The following TNIK variants were observed in gnomAD, a reference collection of about 807,000 sequenced individuals.
TNIK encodes the protein TRAF2 and NCK interacting kinase.
TNIK carries 49 observed loss-of-function variants against 191.3 expected under a neutral mutation model. That is an observed-to-expected ratio of 0.26 (90% CI 0.20 to 0.32). The LOEUF (loss-of-function observed/expected upper bound fraction) is 0.32. TNIK is among the 10% of genes least tolerant of loss of function. The pLI is 1.00. For missense variants in TNIK, 1,155 were observed against 1,702.3 expected (o/e 0.68, Z 5.66); for synonymous variants, 594 against 600.9 (o/e 0.99, Z 0.17).
chr3:171,438,443 T>C (rs1726310869), intron 1 of TNIK, among the ~76,000 whole-genome samples: 1 of 152,250 alleles, frequency 6.6e-6, no homozygotes, highest in Non-Finnish European at 1.5e-5. Flanking sequence ...ATAGTGGGGA[T>C]GCAGGATCCA....
At chr3:171,318,966 A>C (rs1397740023) in intron 2 of TNIK, among the ~76,000 whole-genome samples, 1 of 152,062 alleles carries the variant, frequency 6.6e-6, no homozygotes, top group Non-Finnish European at 1.5e-5. Context: ...GGAGTTCAAA[A>C]CCAGCCTGGT....
intron 2 of TNIK, among the ~76,000 whole-genome samples, chr3:171,278,472 ATTT>A (rs1238312681): frequency 6.6e-6 from 1 of 152,170 alleles, no homozygotes; most frequent in Non-Finnish European, 1.5e-5. Flanking sequence ...ATAGATACTT[ATTT>A]TTTTAAAAAA....
intron 2 of TNIK, chr3:171,347,329 T>C: frequency 2.6e-6 from 3 of 1,174,756 alleles, no homozygotes; most frequent in Non-Finnish European, 3.6e-6. Flanking sequence ...AAGTAGCATC[T>C]AGATGCCTGG....
intron 2 of TNIK, among the ~76,000 whole-genome samples, chr3:171,308,881 A>ATT (rs1753735165): frequency 6.6e-6 from 1 of 151,518 alleles, no homozygotes; most frequent in African/African-American, 2.4e-5. Context: ...AATGGTTATT[A>ATT]AAAAGTCAAA....
At chr3:171,164,318 C>G (rs1367288338) in intron 10 of TNIK, among the ~76,000 whole-genome samples, 1 of 152,156 alleles carries the variant, frequency 6.6e-6, no homozygotes, top group Non-Finnish European at 1.5e-5. Context: ...CTTATTTATG[C>G]CCCAGAGGGA....
chr3:171,111,811 C>G (rs1725894075), intron 18 of TNIK, among the ~76,000 whole-genome samples: 1 of 152,170 alleles, frequency 6.6e-6, no homozygotes, highest in Non-Finnish European at 1.5e-5. Context: ...TGATATATCT[C>G]TCTCTCAAAA....
intron 10 of TNIK, 151 bp downstream of exon 10, chr3:171,166,944 G>T: frequency 1.1e-6 from 1 of 925,094 alleles, no homozygotes; most frequent in Non-Finnish European, 1.5e-6. Flanking sequence ...CGCCACTGAT[G>T]CCCAGAGGCT....
chr3:171,405,740 A>G (rs1290227776), intron 1 of TNIK, among the ~76,000 whole-genome samples: 1 of 152,212 alleles, frequency 6.6e-6, no homozygotes, highest in Non-Finnish European at 1.5e-5. Context: ...ATTTTCAACC[A>G]AGTTTAATCT....
chr3:171,062,683 A>G lies in TNIK; in HGVS notation c.*1198T>C, dbSNP rs190027698. 48 of 152,324 alleles carry G rather than the reference A, an allele frequency of 3.2e-4. No individual in the cohort carries two copies. The highest frequency in any genetic ancestry group is 1.1e-3 in the African/African-American group (45 of 41,588). 9.4% of individuals were successfully genotyped at this position (152,324 alleles called of 1,614,324 possible). ...TTCAAGTTCTCTAAAATTGGAGCCA[A>G]TGATGCCTCTTGTATCTGAGGCAGG... is the stretch of plus-strand genomic sequence containing the variant. On this transcript the variant is annotated 3_prime_UTR_variant, in exon 33 of 33. Transcript: ENST00000436636.
At chr3:171,447,035 A>G (rs1017787910) in intron 1 of TNIK, among the ~76,000 whole-genome samples, 2 of 152,158 alleles carry the variant, frequency 1.3e-5, no homozygotes, top group Admixed American at 1.3e-4. Flanking sequence ...TACTAAAAAT[A>G]CAAAAATTAG....
chr3:171,167,068 C>T, intron 10 of TNIK, 27 bp downstream of exon 10: 1 of 1,599,440 alleles, frequency 6.3e-7, no homozygotes, highest in Non-Finnish European at 8.5e-7. Flanking sequence ...TTTGTTTCTG[C>T]TGCTGAAATA....
chr3:171,130,317 C>T (rs1328008289), intron 15 of TNIK, among the ~76,000 whole-genome samples: 1 of 152,172 alleles, frequency 6.6e-6, no homozygotes, highest in Admixed American at 6.5e-5. Context: ...AAACAGCCCT[C>T]CTGCCTCTAG....
intron 1 of TNIK, among the ~76,000 whole-genome samples, chr3:171,406,971 G>A (rs560922178): frequency 1.3e-5 from 2 of 152,360 alleles, no homozygotes; most frequent in African/African-American, 4.8e-5. Context: ...GGCAGAGAAG[G>A]CCCCTCAGGC....
chr3:171,283,067 C>A (rs6785927), intron 2 of TNIK, among the ~76,000 whole-genome samples: 15,836 of 151,804 alleles, frequency 0.1, 969 homozygotes, highest in African/African-American at 0.15. Context: ...TGACCTTTAT[C>A]AAGGAATAAT....
rs1577414876 is a variant in TNIK at position 171,305,753 on chromosome 3, T to C, written c.123+63867A>G. On this transcript the variant is annotated intron_variant, in intron 2 of 32. Coordinates refer to ENST00000436636, the MANE Select transcript of TNIK (RefSeq NM_015028.4). ...GGTTGCATGGAAAAGGCAACGCTTA[T>C]ACACTGCTGGTGTGAATGTAAATTA... is the stretch of plus-strand genomic sequence containing the variant. Among the ~76,000 whole-genome samples, 3 of 152,326 alleles carry C rather than the reference T, an allele frequency of 2.0e-5. No individual in the cohort carries two copies. In the South Asian group the frequency reaches 6.2e-4, roughly 32 times the overall value.
Position 171,082,412 on chromosome 3 carries a change from A to AC in TNIK, c.3170-19dup. The AC allele has an allele frequency of 6.2e-7, 1 of 1,606,210 alleles. No homozygotes were observed. The highest frequency in any genetic ancestry group is 1.7e-5 in the Admixed American group (1 of 58,666). On this transcript the variant is annotated intron_variant, in intron 26 of 32. Coordinates refer to ENST00000436636, the MANE Select transcript of TNIK (RefSeq NM_015028.4). ...GTTTACACCTGTAAATTTAAGAAGC[A>AC]CCCTAAGACTGACTTTTCATGAACT...
At chr3:171,248,790 A>C (rs1745900929) in intron 2 of TNIK, among the ~76,000 whole-genome samples, 1 of 152,256 alleles carries the variant, frequency 6.6e-6, no homozygotes, top group African/African-American at 2.4e-5. Context: ...TTTACAAGTG[A>C]GACAAGGACT....
At position 171,068,977 on chromosome 3, in the gene TNIK, G is replaced by C. The variant is rs1316533073; in HGVS notation, c.3570C>G (p.His1190Gln). ...MAFKSFADLQHKPLLVDLTVE... is the reference protein window; with the variant it reads ...MAFKSFADLQQKPLLVDLTVE... ...CCGTGAGATCAACTAGCAGAGGCTT[G>C]TGCTGGAGATCTGCAAAAGACTTTA... Residue 1190 changes from histidine (H) to glutamine (Q), a missense_variant, in exon 30 of 33, where the codon CAC becomes CAG. His to Gln is a conservative substitution (Grantham distance 24). This residue lies in a region of TNIK where 195 missense variants were observed against 415.4 expected (regional missense o/e 0.47). Transcript: ENST00000436636. The C allele has an allele frequency of 6.2e-6, 10 of 1,612,786 alleles. No individual in the cohort carries two copies. Among genetic ancestry groups the C allele is most frequent in the African/African-American group, 1.3e-5 (1 of 74,904 alleles).
At chr3:171,203,726 C>T (rs201594390) in intron 4 of TNIK, among the ~76,000 whole-genome samples, 2 of 152,162 alleles carry the variant, frequency 1.3e-5, no homozygotes, top group East Asian at 3.8e-4. Flanking sequence ...AAGTAGAATC[C>T]AAATGCCAGA....
Sources: gnomAD v4.1 joint callset for allele counts (sites outside exome capture counted in the v4.1 genomes callset) on GRCh38, gnomAD v4.1.1 for gene constraint, gnomAD v4.1.1 regional missense constraint, MANE v1.5 for transcripts, NCBI Gene and HGNC (gene_info 2026-07-23, HGNC 2026-07-21) for gene names.